The following CLSTN2 variants were observed in gnomAD, a reference collection of about 807,000 sequenced individuals.
CLSTN2 encodes the protein calsyntenin 2, also known as calsyntenin-2.
A neutral mutation model predicts 101.2 loss-of-function variants in CLSTN2; 48 were observed. The observed-to-expected ratio is 0.47, with a 90% confidence interval of 0.38 to 0.60. CLSTN2 has a LOEUF of 0.60. Ranked by LOEUF, CLSTN2 falls within the 20% of genes least tolerant of loss-of-function variation. CLSTN2 has a pLI of 0.00. For synonymous variants in CLSTN2, 481 were observed against 463.6 expected (o/e 1.04, Z -0.48); for missense variants, 1,160 against 1,238.2 (o/e 0.94, Z 0.95).
intron 1 of CLSTN2, among the ~76,000 whole-genome samples, chr3:140,012,300 G>C (rs555675203): frequency 1.1e-4 from 17 of 152,252 alleles, no homozygotes; most frequent in African/African-American, 3.9e-4. Context: ...GGAGCAGGGA[G>C]AGAAGAAATA....
At chr3:139,979,843 C>T (rs1306542218) in intron 1 of CLSTN2, among the ~76,000 whole-genome samples, 1 of 151,938 alleles carries the variant, frequency 6.6e-6, no homozygotes. Flanking sequence ...TTGGCTCCTC[C>T]CTCTCAAACC....
At chr3:140,554,144 G>A (rs1935757212) in intron 10 of CLSTN2, among the ~76,000 whole-genome samples, 1 of 152,174 alleles carries the variant, frequency 6.6e-6, no homozygotes, top group South Asian at 2.1e-4. Context: ...CCAAAGCGCA[G>A]TGGGGACCAA....
At chr3:140,478,333 G>GAA (rs58667320) in intron 8 of CLSTN2, among the ~76,000 whole-genome samples, 8 of 112,570 alleles carry the variant, frequency 7.1e-5, no homozygotes, top group Non-Finnish European at 1.0e-4. Context: ...AAAACATCCA[G>GAA]AAAAAAAAAA....
At chr3:139,991,662 G>T (rs1349995365) in intron 1 of CLSTN2, among the ~76,000 whole-genome samples, 5 of 152,168 alleles carry the variant, frequency 3.3e-5, no homozygotes, top group Non-Finnish European at 4.4e-5. Context: ...AGATCCCTCG[G>T]GATATGGTGA....
intron 10 of CLSTN2, among the ~76,000 whole-genome samples, chr3:140,551,115 A>G (rs1935691736): frequency 6.6e-6 from 1 of 152,096 alleles, no homozygotes; most frequent in African/African-American, 2.4e-5. Flanking sequence ...CATATCAGCA[A>G]CTCAGATTAG....
At chr3:140,341,378 T>A (rs2087491131) in intron 2 of CLSTN2, among the ~76,000 whole-genome samples, 1 of 152,182 alleles carries the variant, frequency 6.6e-6, no homozygotes. Flanking sequence ...CTCGTCCCCA[T>A]GCTGCCTGCC....
At chr3:140,234,137 C>G (rs528028532) in intron 2 of CLSTN2, among the ~76,000 whole-genome samples, 1 of 152,208 alleles carries the variant, frequency 6.6e-6, no homozygotes, top group African/African-American at 2.4e-5. Context: ...AGGCATAACC[C>G]GAGAAAGGGT....
intron 1 of CLSTN2, among the ~76,000 whole-genome samples, chr3:139,953,807 C>A (rs1055751533): frequency 3.3e-5 from 5 of 152,128 alleles, no homozygotes; most frequent in Non-Finnish European, 2.9e-5. Flanking sequence ...CACTCCCCTA[C>A]TGGTATTTCC....
At chr3:140,171,837 A>G (rs1486915470) in intron 1 of CLSTN2, among the ~76,000 whole-genome samples, 5 of 81,166 alleles carry the variant, frequency 6.2e-5, no homozygotes, top group African/African-American at 1.3e-4. Context: ...TAATAACAAT[A>G]TATAATATAA....
chr3:140,543,253 C>G (rs972839721), intron 9 of CLSTN2, among the ~76,000 whole-genome samples: 1 of 152,176 alleles, frequency 6.6e-6, no homozygotes, highest in Admixed American at 6.5e-5. Context: ...GGCTCACACC[C>G]TCCGCCTGCA....
intron 2 of CLSTN2, among the ~76,000 whole-genome samples, chr3:140,229,876 C>T (rs576775637): frequency 1.4e-4 from 21 of 152,278 alleles, no homozygotes; most frequent in African/African-American, 4.8e-4. Context: ...TTTCAGTCGG[C>T]TAGCTTTTCT....
intron 1 of CLSTN2, among the ~76,000 whole-genome samples, chr3:140,071,096 T>C (rs1433169860): frequency 1.3e-5 from 2 of 152,004 alleles, no homozygotes; most frequent in Non-Finnish European, 2.9e-5. Context: ...GACAAATAGT[T>C]CAGTGCAACA....
At chr3:140,031,660 G>C (rs11715115) in intron 1 of CLSTN2, among the ~76,000 whole-genome samples, 21,856 of 152,134 alleles carry the variant, frequency 0.14, 2,064 homozygotes, top group Admixed American at 0.28. Flanking sequence ...CTGATTCCAG[G>C]TATTTCTTGA....
chr3:140,207,825 C>A (rs746096975), intron 2 of CLSTN2, among the ~76,000 whole-genome samples: 1 of 152,144 alleles, frequency 6.6e-6, no homozygotes, highest in Admixed American at 6.5e-5. Context: ...TAAGAAGGCA[C>A]CTGCTTCTCT....
intron 2 of CLSTN2, among the ~76,000 whole-genome samples, chr3:140,335,456 C>CAAA (rs36037134): frequency 1.4e-5 from 2 of 141,914 alleles, no homozygotes; most frequent in African/African-American, 5.1e-5. Flanking sequence ...TGTGAAAGGC[C>CAAA]AAAAAAAAAA....
chr3:140,272,937 T>C (rs1007122337), intron 2 of CLSTN2, among the ~76,000 whole-genome samples: 3 of 152,094 alleles, frequency 2.0e-5, no homozygotes, highest in African/African-American at 7.2e-5. Context: ...TTGCAGTGAT[T>C]ATTATTTTGG....
intron 8 of CLSTN2, among the ~76,000 whole-genome samples, chr3:140,505,406 A>G (rs1371863708): frequency 6.6e-6 from 1 of 152,184 alleles, no homozygotes; most frequent in East Asian, 1.9e-4. Context: ...GCAATCAGAT[A>G]CACACACAGG....
rs1282469513 is a variant in CLSTN2 at position 140,459,707 on chromosome 3, A to C, written c.1160A>C (p.His387Pro). 6.2e-7 allele frequency: 1 copy of C among 1,614,112 alleles called. No individual in the cohort carries two copies. Among genetic ancestry groups the C allele is most frequent in the Admixed American group, 1.7e-5 (1 of 60,022 alleles). ...DQFTITMWMK[H>P]GPSPGVRAEK... Reference sequence around the variant, plus strand: ...TTCACCATCACCATGTGGATGAAACACGGCCCCAGCCCTGGTGTGAGAGCC... The same window carrying C: ...TTCACCATCACCATGTGGATGAAACCCGGCCCCAGCCCTGGTGTGAGAGCC... Residue 387 changes from histidine to proline, a missense_variant, in exon 7 of 17, where the codon CAC (histidine) becomes CCC (proline). Physicochemically the swap from His to Pro is moderately conservative, Grantham distance 77. Transcript: ENST00000458420.
chr3:140,060,037 C>T (rs1255368756), intron 1 of CLSTN2, among the ~76,000 whole-genome samples: 1 of 152,106 alleles, frequency 6.6e-6, no homozygotes, highest in East Asian at 1.9e-4. Context: ...CCTCAGTTTC[C>T]TCATCTGTAA....
Sources: allele counts gnomAD v4.1 joint callset (sites outside exome capture counted in the v4.1 genomes callset), GRCh38; gene constraint gnomAD v4.1.1; transcripts MANE v1.5; gene names NCBI Gene and HGNC (gene_info 2026-07-23, HGNC 2026-07-21).